ERC2: variants seen among roughly 807,000 people sequenced by gnomAD.
ERC2 encodes ELKS/RAB6-interacting/CAST family member 2.
In ERC2, 42 loss-of-function variants were observed where a neutral mutation model predicts 114.8. The ratio of observed to expected loss-of-function variants is 0.37; its 90% CI spans 0.29 to 0.47. The LOEUF (loss-of-function observed/expected upper bound fraction) is 0.47, where lower values mean the gene tolerates loss of function less well. Ranked by LOEUF, ERC2 falls within the 20% of genes least tolerant of loss-of-function variation. ERC2 has a pLI of 0.99. For missense variants in ERC2, 939 were observed against 1,150.7 expected (o/e 0.82, Z 2.66); for synonymous variants, 454 against 425.5 (o/e 1.07, Z -0.82).
At position 55,553,011 on chromosome 3, in the gene ERC2, A is replaced by ATTTTTTTTTTTTTTTTTTTTTTTTTTT. The variant is rs66602607; in HGVS notation, c.*40-41762_*40-41736dup. ...GTCGTTATTATTGTGGGGCTTCCAG[A>ATTTTTTTTTTTTTTTTTTTTTTTTTTT]TTTTTTTTTTTTTTTTTTTTTTTTT... On this transcript the variant is annotated intron_variant, in intron 17 of 17. Transcript: ENST00000288221. Among the ~76,000 whole-genome samples the ATTTTTTTTTTTTTTTTTTTTTTTTTTT allele has an allele frequency of 7.4e-4, 41 of 55,218 alleles. 12 individuals carry two copies. The highest frequency in any genetic ancestry group is 9.9e-4 in the Non-Finnish European group (30 of 30,194). The allele number at this position is 55,218 out of a possible 152,430, so 36.2% of individuals were successfully genotyped here. A position where few individuals can be genotyped will look rare whatever the true frequency, so the allele number is the denominator to read the frequency against.
intron 3 of ERC2, among the ~76,000 whole-genome samples, chr3:56,199,610 T>G (rs1196937940): frequency 6.6e-6 from 1 of 152,074 alleles, no homozygotes; most frequent in Non-Finnish European, 1.5e-5. Context: ...TGGGCTCAAG[T>G]GATCCTCCCA....
intron 17 of ERC2, among the ~76,000 whole-genome samples, chr3:55,530,105 C>T (rs750836825): frequency 2.0e-5 from 3 of 152,216 alleles, no homozygotes; most frequent in African/African-American, 4.8e-5. Context: ...AATGAATCAA[C>T]AAATGAGTGG....
At chr3:55,970,834 C>G (rs149169764) in intron 12 of ERC2, among the ~76,000 whole-genome samples, 2 of 152,250 alleles carry the variant, frequency 1.3e-5, no homozygotes, top group East Asian at 3.9e-4. Context: ...ATTCCACTTG[C>G]AGATATACAG....
chr3:56,421,965 G>A (rs929996644), intron 2 of ERC2, among the ~76,000 whole-genome samples: 3 of 152,144 alleles, frequency 2.0e-5, no homozygotes, highest in African/African-American at 2.4e-5. Flanking sequence ...ATATTTCACA[G>A]GGGAAAGTTG....
chr3:56,304,349 A>T (rs529436210), intron 2 of ERC2, among the ~76,000 whole-genome samples: 120 of 152,222 alleles, frequency 7.9e-4, no homozygotes, highest in Non-Finnish European at 6.0e-4. Context: ...ATGTCAAGAA[A>T]ATGGACAAAC....
chr3:56,044,541 T>C (rs1013812306), intron 7 of ERC2, among the ~76,000 whole-genome samples: 22 of 152,306 alleles, frequency 1.4e-4, no homozygotes, highest in African/African-American at 5.1e-4. Context: ...ATTAAAAGTA[T>C]GTATTCATTT....
At chr3:56,060,781 T>G (rs2076212757) in intron 7 of ERC2, among the ~76,000 whole-genome samples, 1 of 152,230 alleles carries the variant, frequency 6.6e-6, no homozygotes, top group South Asian at 2.1e-4. Flanking sequence ...CACATGACAG[T>G]GCTCAGGGCC....
chr3:56,455,660 A>G (rs1228347078), intron 1 of ERC2, among the ~76,000 whole-genome samples: 1 of 152,262 alleles, frequency 6.6e-6, no homozygotes, highest in African/African-American at 2.4e-5. Flanking sequence ...TACTTAGCAC[A>G]GTGCCTGACT....
chr3:55,870,903 C>T (rs979536401), intron 14 of ERC2, among the ~76,000 whole-genome samples: 1 of 152,208 alleles, frequency 6.6e-6, no homozygotes, highest in Non-Finnish European at 1.5e-5. Flanking sequence ...TTTCAGATAC[C>T]TTCTCTCCCT....
At chr3:55,938,949 T>TA (rs1027765475) in intron 13 of ERC2, among the ~76,000 whole-genome samples, 5 of 152,236 alleles carry the variant, frequency 3.3e-5, no homozygotes, top group East Asian at 1.9e-4. Flanking sequence ...TCAATTTTTT[T>TA]AAAAAAAATT....
At chr3:55,812,007 C>A (rs1386328453) in intron 14 of ERC2, among the ~76,000 whole-genome samples, 1 of 152,158 alleles carries the variant, frequency 6.6e-6, no homozygotes, top group Non-Finnish European at 1.5e-5. Flanking sequence ...TCCTGATGCT[C>A]TCCTTCCCCT....
chr3:55,988,722 T>C (rs2070822530), intron 11 of ERC2, among the ~76,000 whole-genome samples: 1 of 152,238 alleles, frequency 6.6e-6, no homozygotes, highest in Non-Finnish European at 1.5e-5. Flanking sequence ...CACAAATCTA[T>C]TTCAAGTTCA....
At chr3:55,757,180 G>A (rs375183792) in intron 14 of ERC2, among the ~76,000 whole-genome samples, 67 of 152,140 alleles carry the variant, frequency 4.4e-4, no homozygotes, top group African/African-American at 1.5e-3. Context: ...TGTCATTTCC[G>A]GCCAAGGAGA....
chr3:56,376,668 C>A (rs2059554069), intron 2 of ERC2, among the ~76,000 whole-genome samples: 1 of 151,670 alleles, frequency 6.6e-6, no homozygotes, highest in Admixed American at 6.6e-5. Context: ...GAGGCTGAGG[C>A]AGGAGAACCG....
intron 2 of ERC2, among the ~76,000 whole-genome samples, chr3:56,430,875 G>C (rs898194461): frequency 2.0e-4 from 30 of 152,064 alleles, no homozygotes; most frequent in African/African-American, 7.0e-4. Flanking sequence ...TATGAAGTAG[G>C]ATCTTCCTAT....
intron 17 of ERC2, among the ~76,000 whole-genome samples, chr3:55,623,849 C>A (rs1391223041): frequency 1.3e-5 from 2 of 152,162 alleles, no homozygotes; most frequent in East Asian, 1.9e-4. Flanking sequence ...CAAGGGGCAC[C>A]CTTTCTGCAG....
At chr3:55,660,795 C>A (rs1251206767) in intron 17 of ERC2, among the ~76,000 whole-genome samples, 1 of 152,190 alleles carries the variant, frequency 6.6e-6, no homozygotes, top group East Asian at 1.9e-4. Flanking sequence ...CCATGTGACA[C>A]CTGCCCAGGT....
intron 3 of ERC2, among the ~76,000 whole-genome samples, chr3:56,194,449 C>G (rs1016833337): frequency 6.6e-6 from 1 of 151,996 alleles, no homozygotes. Context: ...CAGAGTGAGA[C>G]CGTCTCTTAA....
chr3:56,284,129 C>G (rs559619445), intron 3 of ERC2, among the ~76,000 whole-genome samples: 2 of 152,276 alleles, frequency 1.3e-5, no homozygotes, highest in Non-Finnish European at 1.5e-5. Flanking sequence ...AGAAAAAACT[C>G]AAGTTTAGAG....
Sources: gnomAD v4.1 joint callset for allele counts (sites outside exome capture counted in the v4.1 genomes callset) on GRCh38, gnomAD v4.1.1 for gene constraint, MANE v1.5 for transcripts, NCBI Gene and HGNC (gene_info 2026-07-23, HGNC 2026-07-21) for gene names.